The following CACNA1C variants were observed in gnomAD, a reference collection of about 807,000 sequenced individuals.
CACNA1C encodes calcium voltage-gated channel subunit alpha1 C, also known as voltage-dependent L-type calcium channel subunit alpha-1C.
In CACNA1C, 30 loss-of-function variants were observed where a neutral mutation model predicts 229.0. The ratio of observed to expected loss-of-function variants is 0.13; its 90% CI spans 0.10 to 0.18. The LOEUF (loss-of-function observed/expected upper bound fraction) is 0.18, where lower values mean the gene tolerates loss of function less well. Among genes scored for constraint, CACNA1C ranks in the 10% least tolerant of loss-of-function variants. The pLI, the probability that CACNA1C is intolerant of heterozygous loss-of-function variation, is 1.00. For missense variants in CACNA1C, 1,658 were observed against 2,845.0 expected (o/e 0.58, Z 9.49); for synonymous variants, 1,114 against 1,132.5 (o/e 0.98, Z 0.33).
chr12:2,303,300 G>A (rs1453616373), intron 3 of CACNA1C, among the ~76,000 whole-genome samples: 2 of 152,180 alleles, frequency 1.3e-5, no homozygotes, highest in South Asian at 2.1e-4. Flanking sequence ...GCTGGAGGCT[G>A]GAGATCTGAG....
chr12:2,612,856 A>G, intron 29 of CACNA1C: 1 of 152,270 alleles, frequency 6.6e-6, no homozygotes, highest in East Asian at 1.9e-4. Flanking sequence ...GGGAGGCTAT[A>G]AGAGCAACTG....
Position 2,275,611 on chromosome 12 carries a change from C to T in CACNA1C, c.477+155181C>T, listed in dbSNP as rs1444530617. On this transcript the variant is annotated intron_variant, in intron 3 of 46. Transcript: ENST00000399655. This position sits in a 1 kb window ranked among gnomAD's most constrained non-coding sequence, Gnocchi z 4.1. ...TGTCATGGAAGAGAGGTGGCCTGAC[C>T]ACTCTAAGCCCACAGCACCACTGGA... is the stretch of plus-strand genomic sequence containing the variant. Among the ~76,000 whole-genome samples, 1 of 151,854 alleles carries T rather than the reference C, an allele frequency of 6.6e-6. No homozygotes were observed. Among genetic ancestry groups the T allele is most frequent in the Non-Finnish European group, 1.5e-5 (1 of 68,018 alleles).
At chr12:1,985,300 A>C (rs2037382137) in intron 1 of CACNA1C, among the ~76,000 whole-genome samples, 1 of 152,190 alleles carries the variant, frequency 6.6e-6, no homozygotes, top group South Asian at 2.1e-4. Context: ...CATTTTTAAA[A>C]AACATCTTGG....
At chr12:2,335,172 C>G (rs1414495972) in intron 3 of CACNA1C, among the ~76,000 whole-genome samples, 3 of 152,162 alleles carry the variant, frequency 2.0e-5, no homozygotes, top group Non-Finnish European at 4.4e-5. Flanking sequence ...GATCCCCTGT[C>G]TTCCCCCTCA....
chr12:2,229,477 T>C (rs1037286390), intron 3 of CACNA1C, among the ~76,000 whole-genome samples: 15 of 152,316 alleles, frequency 9.8e-5, no homozygotes, highest in South Asian at 6.2e-4. Context: ...AAAACAGGCC[T>C]GAATCCCTGC....
intron 3 of CACNA1C, among the ~76,000 whole-genome samples, chr12:2,350,358 CTG>C (rs1256204672): frequency 6.6e-6 from 1 of 152,186 alleles, no homozygotes; most frequent in Non-Finnish European, 1.5e-5. Context: ...AGGTAGGAGA[CTG>C]TGACTCTCCC....
chr12:2,191,844 ATG>A, intron 3 of CACNA1C, among the ~76,000 whole-genome samples: 1 of 72,642 alleles, frequency 1.4e-5, no homozygotes, highest in African/African-American at 3.7e-5. Flanking sequence ...AGGCACACAC[ATG>A]CACTCACACA....
intron 1 of CACNA1C, among the ~76,000 whole-genome samples, chr12:2,096,830 A>G (rs2154090745): frequency 6.6e-6 from 1 of 152,290 alleles, no homozygotes; most frequent in East Asian, 1.9e-4. Context: ...ATTATTCAAT[A>G]CATGTTCTTG....
intron 18 of CACNA1C, among the ~76,000 whole-genome samples, chr12:2,591,427 G>A (rs1241182639): frequency 1.3e-5 from 2 of 152,168 alleles, no homozygotes; most frequent in Non-Finnish European, 2.9e-5. Flanking sequence ...CTAGTGCCAG[G>A]CAAAGCTTTT....
intron 7 of CACNA1C, among the ~76,000 whole-genome samples, chr12:2,503,230 A>G (rs1265289951): frequency 5.9e-5 from 9 of 152,158 alleles, no homozygotes; most frequent in Admixed American, 5.9e-4. Context: ...ATTTCTGAAC[A>G]GGTCCCCAGG....
chr12:2,238,839 A>G (rs1422444847), intron 3 of CACNA1C, among the ~76,000 whole-genome samples: 1 of 152,228 alleles, frequency 6.6e-6, no homozygotes, highest in Non-Finnish European at 1.5e-5. Flanking sequence ...CTCATGATCC[A>G]GAGAGGTTCT....
At chr12:1,983,219 TAAAC>T (rs2036656090) in intron 1 of CACNA1C, among the ~76,000 whole-genome samples, 1 of 136,146 alleles carries the variant, frequency 7.3e-6, no homozygotes, top group Admixed American at 7.2e-5. Flanking sequence ...TAATTTTCTC[TAAAC>T]AGTTTTTTTG....
At chr12:2,201,300 A>G (rs2097573996) in intron 3 of CACNA1C, among the ~76,000 whole-genome samples, 1 of 152,344 alleles carries the variant, frequency 6.6e-6, no homozygotes, top group Middle Eastern at 3.4e-3. Flanking sequence ...AGCCTGAAAG[A>G]TCACTTTAAT....
chr12:2,237,392 A>G (rs2067850177), intron 3 of CACNA1C, among the ~76,000 whole-genome samples: 1 of 152,234 alleles, frequency 6.6e-6, no homozygotes, highest in Non-Finnish European at 1.5e-5. Context: ...GACAGGACCT[A>G]ATGTTTTGTG....
Position 2,605,619 on chromosome 12 carries a change from T to C in CACNA1C, c.3049-60T>C. ...CAAACGGGCTGCCCCTGCTACCTCC[T>C]GGAAAGGCTCCTGGCATCTCCTGAA... On this transcript the variant is annotated intron_variant, in intron 23 of 46. Coordinates refer to ENST00000399655, the MANE Select transcript of CACNA1C (RefSeq NM_000719.7). The surrounding 1 kb of genome is among the most constrained non-coding windows in gnomAD (Gnocchi z 6.2). 1 of 1,304,000 alleles carries C rather than the reference T, an allele frequency of 7.7e-7. No homozygotes were observed. Among genetic ancestry groups the C allele is most frequent in the Non-Finnish European group, 1.1e-6 (1 of 899,178 alleles). The allele number at this position is 1,304,000 out of a possible 1,614,324, so 80.8% of individuals were successfully genotyped here.
rs1184808556 is a variant in CACNA1C at position 2,678,234 on chromosome 12, A to G, written c.5091+367A>G. Among the ~76,000 whole-genome samples, 1 of 152,216 alleles carries G rather than the reference A, an allele frequency of 6.6e-6. No individual in the cohort carries two copies. Among genetic ancestry groups the G allele is most frequent in the African/African-American group, 2.4e-5 (1 of 41,458 alleles). ...TTTGTTTGTTAATATTTGAAAATCA[A>G]GACTTCTGGCATTCTTTGGAAAAGT... On this transcript the variant is annotated intron_variant, in intron 41 of 46. Coordinates refer to ENST00000399655, the MANE Select transcript of CACNA1C (RefSeq NM_000719.7). The surrounding 1 kb of genome is among the most constrained non-coding windows in gnomAD (Gnocchi z 4.1).
intron 3 of CACNA1C, among the ~76,000 whole-genome samples, chr12:2,305,712 G>T (rs954561501): frequency 6.6e-6 from 1 of 152,206 alleles, no homozygotes; most frequent in Non-Finnish European, 1.5e-5. Context: ...CCATGGTGGT[G>T]CATGCCTATA....
At chr12:1,977,707 A>G (rs1469283039) in intron 1 of CACNA1C, among the ~76,000 whole-genome samples, 1 of 152,238 alleles carries the variant, frequency 6.6e-6, no homozygotes, top group African/African-American at 2.4e-5. Flanking sequence ...CAACCAATTA[A>G]TTAATGGTAA....
chr12:2,007,205 G>A (rs553402844), intron 1 of CACNA1C, among the ~76,000 whole-genome samples: 23 of 152,204 alleles, frequency 1.5e-4, no homozygotes, highest in Non-Finnish European at 2.9e-4. Flanking sequence ...CATTTCCCTC[G>A]TACATATAAT....
Sources: allele counts gnomAD v4.1 joint callset (sites outside exome capture counted in the v4.1 genomes callset), GRCh38; gene constraint gnomAD v4.1.1; non-coding constraint Gnocchi (gnomAD v3.1); transcripts MANE v1.5; gene names NCBI Gene and HGNC (gene_info 2026-07-23, HGNC 2026-07-21).